PTCH1: variants seen among roughly 807,000 people sequenced by gnomAD.
PTCH1 encodes protein patched homolog 1.
PTCH1 carries 14 observed loss-of-function variants against 144.6 expected under a neutral mutation model. The ratio of observed to expected loss-of-function variants is 0.10; its 90% CI spans 0.06 to 0.15. The LOEUF (loss-of-function observed/expected upper bound fraction) is 0.15, where lower values mean the gene tolerates loss of function less well. PTCH1 is among the 10% of genes least tolerant of loss of function. The probability of loss-of-function intolerance (pLI) is 1.00; values close to 1 mark genes in which losing one functional copy is unlikely to be tolerated. For synonymous variants in PTCH1, 833 were observed against 793.6 expected, an observed-to-expected ratio of 1.05 and a Z score of -0.83; for missense variants, 1,623 against 1,948.3, an observed-to-expected ratio of 0.83 and a Z score of 3.14.
exon 1 of PTCH1, chr9:95,516,482 C>T: frequency 6.5e-7 from 1 of 1,528,696 alleles, no homozygotes; most frequent in Non-Finnish European, 8.8e-7. Context: ...AGCCGGCCGT[C>T]AACCCCTGCT....
In PTCH1 at chr9:95,445,883, T is replaced by C. The variant is rs908047768; in HGVS notation, c.*510A>G. 2.5e-5 allele frequency: 4 copies of C among 159,206 alleles called. No homozygotes were observed. The highest frequency in any genetic ancestry group is 6.1e-5 in the Admixed American group (1 of 16,312). The allele number at this position is 159,206 out of a possible 1,614,324, so 9.9% of individuals were successfully genotyped here. A position where few individuals can be genotyped will look rare whatever the true frequency, so the allele number is the denominator to read the frequency against. On this transcript the variant is annotated 3_prime_UTR_variant, in exon 24 of 24. Transcript: ENST00000331920. ...CATTAAACAAAAAAATTATCACGCA[T>C]AGCGTGTTTGAAAGTTAACAGTAAC... is the stretch of plus-strand genomic sequence containing the variant.
intron 18 of PTCH1, 51 bp downstream of exon 18, chr9:95,457,962 G>C: frequency 6.2e-7 from 1 of 1,608,752 alleles, no homozygotes; most frequent in Admixed American, 1.7e-5. Flanking sequence ...TGCAGAAAGA[G>C]CTATGCTGAA....
chr9:95,483,383 AGT>A (rs1490995976), intron 3 of PTCH1: 1 of 146,756 alleles, frequency 6.8e-6, no homozygotes, highest in Admixed American at 6.8e-5. Flanking sequence ...AATCTGGAAG[AGT>A]GGGGATGGAA....
chr9:95,476,648 A>AT lies in PTCH1; in HGVS notation c.1602+110dup. Reference sequence around the variant, plus strand: ...GGCAGCCAGTGACACATCATCTGACATGGGACTGAAATCTTTACTGGGTCA... The same window carrying AT: ...GGCAGCCAGTGACACATCATCTGACATTGGGACTGAAATCTTTACTGGGTCA... On this transcript the variant is annotated intron_variant, in intron 11 of 23. Transcript: ENST00000331920. The surrounding 1 kb of genome is among the most constrained non-coding windows in gnomAD (Gnocchi z 4.6). The AT allele has an allele frequency of 9.8e-7, 1 of 1,019,150 alleles. No homozygotes were observed. Among genetic ancestry groups the AT allele is most frequent in the Non-Finnish European group, 1.5e-6 (1 of 662,416 alleles). The allele number at this position is 1,019,150 out of a possible 1,614,324, so 63.1% of individuals were successfully genotyped here. A position where few individuals can be genotyped will look rare whatever the true frequency, so the allele number is the denominator to read the frequency against.
Position 95,506,428 on chromosome 9 carries a change from C to G in PTCH1, c.373G>C (p.Val125Leu), listed in dbSNP as rs760253622. ...GLKAANLETN[V>L]EELWVEVGGR... ...TTACCTTCCACCCACAGCTCCTCCA[C>G]GTTGGTCTCGAGGTTCGCTGCTTTT... Residue 125 changes from valine (V) to leucine (L), a missense_variant, in exon 2 of 24, where the codon GTG becomes CTG. By Grantham distance (32) the Val-to-Leu change is conservative (BLOSUM62 1). Transcript: ENST00000331920. The G allele has an allele frequency of 6.2e-7, 1 of 1,612,152 alleles. No homozygotes were observed. Among genetic ancestry groups the G allele is most frequent in the Non-Finnish European group, 8.5e-7 (1 of 1,179,502 alleles).
chr9:95,493,720 T>C (rs1350868200), intron 2 of PTCH1, among the ~76,000 whole-genome samples: 1 of 152,170 alleles, frequency 6.6e-6, no homozygotes, highest in Non-Finnish European at 1.5e-5. Flanking sequence ...ATTTACTTAC[T>C]GTGAGGCCGA....
chr9:95,445,336 G>C lies in PTCH1; in HGVS notation c.*1057C>G, dbSNP rs1414532795. The C allele has an allele frequency of 6.6e-6, 1 of 152,170 alleles. No homozygotes were observed. Among genetic ancestry groups the C allele is most frequent in the African/African-American group, 2.4e-5 (1 of 41,434 alleles). 9.4% of individuals were successfully genotyped at this position (152,170 alleles called of 1,614,324 possible). On this transcript the variant is annotated 3_prime_UTR_variant, in exon 24 of 24. Coordinates refer to ENST00000331920, the MANE Select transcript of PTCH1 (RefSeq NM_000264.5). ...GGGGTCGTGTGTGTGTTGGTCAGAA[G>C]AGGGGCACCATGCTGCATGCTTTTT...
chr9:95,477,853 A>T lies in PTCH1; in HGVS notation c.1348-151T>A, dbSNP rs927292398. 2.8e-6 allele frequency: 4 copies of T among 1,447,770 alleles called. No individual in the cohort carries two copies. The African/African-American group carries it at 5.7e-5, about 21-fold the overall frequency. The allele number at this position is 1,447,770 out of a possible 1,614,324, so 89.7% of individuals were successfully genotyped here. ...TACATCAAGGGCGTCACATAAAATG[A>T]CAGGAGTCAAAGGTAGGCAAACGGC... On this transcript the variant is annotated intron_variant, in intron 9 of 23. Coordinates refer to ENST00000331920, the MANE Select transcript of PTCH1 (RefSeq NM_000264.5).
At chr9:95,494,142 G>T in intron 2 of PTCH1, 1 of 928,568 alleles carries the variant, frequency 1.1e-6, no homozygotes, top group Non-Finnish European at 1.3e-6. Context: ...GCTCGCGCGG[G>T]GTTCTGCAAC....
rs529799940 is a variant in PTCH1 at position 95,485,672 on chromosome 9, C to T, written c.584+13G>A. Reference sequence around the variant, plus strand: ...CCTGCTGCTCATTAGTAGGTGGACGCGGCGGGCCTTACCTGTTGTACATGT... The same window carrying T: ...CCTGCTGCTCATTAGTAGGTGGACGTGGCGGGCCTTACCTGTTGTACATGT... On this transcript the variant is annotated intron_variant, in intron 3 of 23. Coordinates refer to ENST00000331920, the MANE Select transcript of PTCH1 (RefSeq NM_000264.5). The T allele has an allele frequency of 1.8e-5, 29 of 1,613,974 alleles. No homozygotes were observed. Among genetic ancestry groups the T allele is most frequent in the East Asian group, 2.2e-5 (1 of 44,882 alleles).
Position 95,444,521 on chromosome 9 carries a change from A to ACG in PTCH1, c.*1871_*1872insCG, listed in dbSNP as rs1042485423. Reference sequence around the variant, plus strand: ...CACACGCACGCACGCACACACACACACACACACCCAGCAGCCACAAGCGGC... The same window carrying ACG: ...CACACGCACGCACGCACACACACACACGCACACACCCAGCAGCCACAAGCGGC... On this transcript the variant is annotated 3_prime_UTR_variant, in exon 24 of 24. Transcript: ENST00000331920. The ACG allele has an allele frequency of 6.5e-6, 1 of 153,376 alleles. No individual in the cohort carries two copies. Among genetic ancestry groups the ACG allele is most frequent in the African/African-American group, 2.4e-5 (1 of 41,254 alleles). The allele number at this position is 153,376 out of a possible 1,614,324, so 9.5% of individuals were successfully genotyped here. A position where few individuals can be genotyped will look rare whatever the true frequency, so the allele number is the denominator to read the frequency against.
At chr9:95,503,062 T>C (rs1843267700) in intron 2 of PTCH1, among the ~76,000 whole-genome samples, 1 of 152,202 alleles carries the variant, frequency 6.6e-6, no homozygotes, top group Non-Finnish European at 1.5e-5. Flanking sequence ...CCCCTTAAAA[T>C]CTCATACTTT....
At chr9:95,463,365 T>A (rs1195050381) in intron 15 of PTCH1, among the ~76,000 whole-genome samples, 2 of 151,500 alleles carry the variant, frequency 1.3e-5, no homozygotes, top group Admixed American at 1.3e-4. Context: ...AGGGTGAGCG[T>A]GGAGGGGAGA....
chr9:95,468,816 T>C lies in PTCH1; in HGVS notation c.2185A>G (p.Lys729Glu). The C allele has an allele frequency of 6.2e-7, 1 of 1,614,134 alleles. No individual in the cohort carries two copies. Among genetic ancestry groups the C allele is most frequent in the Non-Finnish European group, 8.5e-7 (1 of 1,180,020 alleles). Residue 729 changes from lysine to glutamate, a missense_variant, in exon 14 of 24, where the codon AAG becomes GAG. Coordinates refer to ENST00000331920, the MANE Select transcript of PTCH1 (RefSeq NM_000264.5). ...SLHCLEPPCT[K>E]WTLSSFAEKH... ...TCAGCAAAAGATGAGAGTGTCCACTTCGTACAGGGGGGCTCGAGGCAGTGG... is the reference window on the plus strand; with the variant it reads ...TCAGCAAAAGATGAGAGTGTCCACTCCGTACAGGGGGGCTCGAGGCAGTGG...
intron 2 of PTCH1, among the ~76,000 whole-genome samples, chr9:95,505,270 T>C (rs983581359): frequency 2.0e-5 from 3 of 152,322 alleles, no homozygotes; most frequent in African/African-American, 4.8e-5. Context: ...AGCTTCCACA[T>C]GCTGTCCGGA....
intron 2 of PTCH1, among the ~76,000 whole-genome samples, chr9:95,503,577 G>A (rs1232711879): frequency 6.6e-6 from 1 of 151,876 alleles, no homozygotes; most frequent in Non-Finnish European, 1.5e-5. Flanking sequence ...GAATGAATGA[G>A]AGATCAAGGA....
intron 6 of PTCH1, 83 bp from the exon 7 acceptor site, chr9:95,480,173 T>C (rs973414478): frequency 6.3e-7 from 1 of 1,597,632 alleles, no homozygotes; most frequent in African/African-American, 1.3e-5. Context: ...ATTAAGGGCT[T>C]GTGTGTTTCA....
At chr9:95,480,248 TATAA>T in intron 6 of PTCH1, 138 bp downstream of exon 6, 1 of 1,523,338 alleles carries the variant, frequency 6.6e-7, no homozygotes, top group Non-Finnish European at 9.0e-7. Context: ...AATTTAGCTC[TATAA>T]ATAAACTTAG....
At chr9:95,490,479 TCAAAA>T (rs1033492185) in intron 2 of PTCH1, among the ~76,000 whole-genome samples, 7 of 145,520 alleles carry the variant, frequency 4.8e-5, no homozygotes, top group Admixed American at 1.4e-4. Flanking sequence ...AGACCCCACT[TCAAAA>T]CAAAACAAAA....
Sources: allele counts gnomAD v4.1 joint callset (sites outside exome capture counted in the v4.1 genomes callset), GRCh38; gene constraint gnomAD v4.1.1; non-coding constraint Gnocchi (gnomAD v3.1); transcripts MANE v1.5; gene names NCBI Gene and HGNC (gene_info 2026-07-23, HGNC 2026-07-21).